Variants in FBLN2 observed in about 807,000 individuals in gnomAD.
The protein encoded by FBLN2 is fibulin-2.
FBLN2 carries 81 observed loss-of-function variants against 123.7 expected under a neutral mutation model. The observed-to-expected ratio is 0.65, with a 90% CI of 0.55 to 0.79. The LOEUF (loss-of-function observed/expected upper bound fraction) is 0.79, where lower values mean the gene tolerates loss of function less well. Ranked by LOEUF, FBLN2 falls within the 30% of genes least tolerant of loss-of-function variation. FBLN2 has a pLI of 0.00. For missense variants in FBLN2, 1,603 were observed against 1,681.3 expected, an observed-to-expected ratio of 0.95 and a Z score of 0.81; for synonymous variants, 699 against 701.4, an observed-to-expected ratio of 1.00 and a Z score of 0.05.
intron 2 of FBLN2, among the ~76,000 whole-genome samples, chr3:13,600,044 A>C (rs547613041): frequency 0.04 from 5,874 of 148,350 alleles, 383 homozygotes; most frequent in African/African-American, 0.14. Context: ...AGAGAGAGAG[A>C]GCGAGAGAGA....
intron 9 of FBLN2, among the ~76,000 whole-genome samples, chr3:13,625,483 G>A (rs545030006): frequency 1.3e-5 from 2 of 152,190 alleles, no homozygotes; most frequent in South Asian, 2.1e-4. Context: ...GAACTCCAAG[G>A]CATGTCCTCA....
At chr3:13,588,385 C>T (rs536945174) in intron 2 of FBLN2, among the ~76,000 whole-genome samples, 10 of 152,354 alleles carry the variant, frequency 6.6e-5, no homozygotes, top group South Asian at 2.1e-4. Flanking sequence ...GTGACCCCTT[C>T]GTTAAGTGAC....
At chr3:13,615,961 G>A (rs1305094023) in intron 5 of FBLN2, among the ~76,000 whole-genome samples, 1 of 152,212 alleles carries the variant, frequency 6.6e-6, no homozygotes, top group African/African-American at 2.4e-5. Flanking sequence ...CTGTCCACAG[G>A]TGCCAGGGCT....
chr3:13,611,224 G>T (rs917324084), intron 4 of FBLN2, among the ~76,000 whole-genome samples: 1 of 152,192 alleles, frequency 6.6e-6, no homozygotes, highest in African/African-American at 2.4e-5. Flanking sequence ...TGGGATTACA[G>T]GCATGAGCCA....
At position 13,636,510 on chromosome 3, in the gene FBLN2, G is replaced by A. The variant is rs1470845671; in HGVS notation, c.3280G>A (p.Gly1094Ser). The part of the protein sequence containing the change: ...SEAETCHNIQ[G>S]SFRCLRFECP... ...GGCTGAGACCTGCCACAACATCCAG[G>A]GTAGCTTCCGCTGCCTGCGCTTCGA... is the stretch of plus-strand genomic sequence containing the variant. Residue 1094 changes from glycine to serine, a missense_variant, in exon 17 of 18, where the codon GGT (glycine) becomes AGT (serine). Physicochemically the swap from Gly to Ser is moderately conservative, Grantham distance 56. Coordinates refer to ENST00000404922, the MANE Select transcript of FBLN2 (RefSeq NM_001004019.2). The A allele has an allele frequency of 6.2e-7, 1 of 1,613,716 alleles. No individual in the cohort carries two copies. The highest frequency in any genetic ancestry group is 1.1e-5 in the South Asian group (1 of 91,028).
At chr3:13,594,596 AGCTGGGT>A (rs1229318121) in intron 2 of FBLN2, among the ~76,000 whole-genome samples, 2 of 152,160 alleles carry the variant, frequency 1.3e-5, no homozygotes, top group East Asian at 3.9e-4. Context: ...TGGTTTTCCC[AGCTGGGT>A]GGTGGCTGTT....
At chr3:13,594,339 C>T (rs1704774852) in intron 2 of FBLN2, among the ~76,000 whole-genome samples, 1 of 152,118 alleles carries the variant, frequency 6.6e-6, no homozygotes, top group Non-Finnish European at 1.5e-5. Flanking sequence ...TGATGGGCTT[C>T]TCTCTGGATG....
At chr3:13,597,594 G>A (rs1472505236) in intron 2 of FBLN2, among the ~76,000 whole-genome samples, 1 of 152,216 alleles carries the variant, frequency 6.6e-6, no homozygotes, top group Non-Finnish European at 1.5e-5. Flanking sequence ...GCAGTGAGGT[G>A]GCTGGCATCA....
intron 2 of FBLN2, among the ~76,000 whole-genome samples, chr3:13,602,859 C>T (rs989897671): frequency 2.0e-5 from 3 of 151,464 alleles, no homozygotes; most frequent in East Asian, 1.9e-4. Context: ...CTGCCAATAA[C>T]GACTGTTGTT....
intron 4 of FBLN2, among the ~76,000 whole-genome samples, chr3:13,610,066 G>A (rs1380668002): frequency 6.6e-6 from 1 of 152,238 alleles, no homozygotes; most frequent in Non-Finnish European, 1.5e-5. Context: ...AGGGACTGCA[G>A]TATCAGCTGA....
In FBLN2 at chr3:13,571,781, G is replaced by T. The variant is rs1703969307; in HGVS notation, c.1306+120G>T. 5 of 1,221,624 alleles carry T rather than the reference G, an allele frequency of 4.1e-6. No individual in the cohort carries two copies. In the East Asian group the frequency reaches 1.0e-4, roughly 25 times the overall value. The allele number at this position is 1,221,624 out of a possible 1,614,324, so 75.7% of individuals were successfully genotyped here. ...ATGCTGGACTGTGGGGCCAGGCCTA[G>T]GGTGGCCACCCCAGGCCCTTGGTTT... On this transcript the variant is annotated intron_variant, in intron 2 of 17. Transcript: ENST00000404922.
chr3:13,594,971 T>C (rs1704793848), intron 2 of FBLN2, among the ~76,000 whole-genome samples: 1 of 152,230 alleles, frequency 6.6e-6, no homozygotes. Context: ...GCCTGCACTC[T>C]GGAGCCATGC....
At chr3:13,572,325 G>A (rs565199388) in intron 2 of FBLN2, among the ~76,000 whole-genome samples, 9 of 152,332 alleles carry the variant, frequency 5.9e-5, no homozygotes, top group South Asian at 4.1e-4. Context: ...GCCCCTCTCC[G>A]AGCTGGTCAG....
chr3:13,577,559 T>G (rs2124835421), intron 2 of FBLN2, among the ~76,000 whole-genome samples: 1 of 152,328 alleles, frequency 6.6e-6, no homozygotes, highest in South Asian at 2.1e-4. Context: ...ACTGGCCAAC[T>G]TATGTGTTAA....
intron 16 of FBLN2, among the ~76,000 whole-genome samples, chr3:13,634,697 T>C (rs1706394550): frequency 6.6e-6 from 1 of 152,208 alleles, no homozygotes; most frequent in Non-Finnish European, 1.5e-5. Context: ...TGGGGCCTAT[T>C]TTACGGAGGG....
chr3:13,553,664 A>G (rs535439766), intron 1 of FBLN2, among the ~76,000 whole-genome samples: 88 of 152,348 alleles, frequency 5.8e-4, no homozygotes, highest in Non-Finnish European at 9.0e-4. Flanking sequence ...TTGCAAAGCA[A>G]GTGCTGGTTT....
At chr3:13,575,487 C>T (rs1190050479) in intron 2 of FBLN2, among the ~76,000 whole-genome samples, 1 of 152,140 alleles carries the variant, frequency 6.6e-6, no homozygotes, top group Non-Finnish European at 1.5e-5. Flanking sequence ...TGCTGGGTCC[C>T]CTGCCAGATC....
At chr3:13,575,054 A>G (rs1376281844) in intron 2 of FBLN2, among the ~76,000 whole-genome samples, 1 of 152,186 alleles carries the variant, frequency 6.6e-6, no homozygotes, top group Non-Finnish European at 1.5e-5. Context: ...TCTGTTGAAG[A>G]TATCAGCGGG....
chr3:13,631,750 C>T (rs1706266441), intron 16 of FBLN2, among the ~76,000 whole-genome samples: 1 of 152,154 alleles, frequency 6.6e-6, no homozygotes, highest in African/African-American at 2.4e-5. Context: ...TACGGAGGCA[C>T]GAAGCCTGCC....
Sources: allele counts gnomAD v4.1 joint callset (sites outside exome capture counted in the v4.1 genomes callset), GRCh38; gene constraint gnomAD v4.1.1; transcripts MANE v1.5; gene names NCBI Gene and HGNC (gene_info 2026-07-23, HGNC 2026-07-21).